Variants in NLRP11 observed in about 807,000 individuals in gnomAD.
The protein encoded by NLRP11 is NACHT, LRR and PYD domains-containing protein 11.
Under a neutral mutation model 79.3 loss-of-function variants are expected in NLRP11, and 53 were observed. The observed-to-expected ratio is 0.67, with a 90% CI of 0.54 to 0.84. The LOEUF (loss-of-function observed/expected upper bound fraction) is 0.84, where lower values mean the gene tolerates loss of function less well. Ranked by LOEUF, NLRP11 falls within the 40% of genes least tolerant of loss-of-function variation. The pLI is 0.00. For synonymous variants in NLRP11, 518 were observed against 462.6 expected, an observed-to-expected ratio of 1.12 and a Z score of -1.54; for missense variants, 1,264 against 1,255.0, an observed-to-expected ratio of 1.01 and a Z score of -0.11.
chr19:55,800,712 A>T (rs1039670575), intron 5 of NLRP11, among the ~76,000 whole-genome samples: 1 of 152,188 alleles, frequency 6.6e-6, no homozygotes, highest in African/African-American at 2.4e-5. Flanking sequence ...AATTTTATGA[A>T]ATCAATACGG....
At chr19:55,814,706 A>C (rs1980915668) in intron 2 of NLRP11, among the ~76,000 whole-genome samples, 1 of 152,244 alleles carries the variant, frequency 6.6e-6, no homozygotes, top group Admixed American at 6.5e-5. Context: ...ATGGTTAGAG[A>C]AGATGGTAGA....
At chr19:55,818,307 G>T in intron 1 of NLRP11, 71 bp from the exon 2 acceptor site, 1 of 695,052 alleles carries the variant, frequency 1.4e-6, no homozygotes, top group Non-Finnish European at 2.4e-6. Flanking sequence ...TAACATCCTA[G>T]ACAATTCCTG....
intron 6 of NLRP11, among the ~76,000 whole-genome samples, chr19:55,792,965 G>A (rs767350108): frequency 1.7e-4 from 26 of 152,160 alleles, no homozygotes; most frequent in Non-Finnish European, 3.2e-4. Context: ...TCCAGGTTTA[G>A]CTCGTTGCCA....
chr19:55,799,135 T>C (rs1979228203), intron 5 of NLRP11, among the ~76,000 whole-genome samples: 1 of 149,162 alleles, frequency 6.7e-6, no homozygotes, highest in Non-Finnish European at 1.5e-5. Context: ...GGTGTGGTGG[T>C]GTACCCCTGT....
chr19:55,808,339 GTTTA>G (rs1326299722), intron 3 of NLRP11, among the ~76,000 whole-genome samples: 1 of 152,126 alleles, frequency 6.6e-6, no homozygotes, highest in Non-Finnish European at 1.5e-5. Context: ...ACAATACAAG[GTTTA>G]TTTCTTTTTA....
chr19:55,786,350 C>T lies in NLRP11; in HGVS notation c.2856-479G>A, dbSNP rs941219331. On this transcript the variant is annotated intron_variant, in intron 9 of 9. Transcript: ENST00000589093. ...ACCAGCCTGGACAACATGCCAAAAC[C>T]CCATCTCTACCAAAGATACAAAAAC... Among the ~76,000 whole-genome samples the T allele has an allele frequency of 5.3e-5, 8 of 152,110 alleles. No individual in the cohort carries two copies. The South Asian group carries it at 1.7e-3, about 32-fold the overall frequency.
At chr19:55,804,304 A>G (rs918577968) in intron 4 of NLRP11, among the ~76,000 whole-genome samples, 5 of 152,220 alleles carry the variant, frequency 3.3e-5, no homozygotes, top group Non-Finnish European at 7.3e-5. Flanking sequence ...CCAAAAAGAT[A>G]CATGCACATG....
intron 6 of NLRP11, 40 bp from the exon 7 acceptor site, chr19:55,792,511 CCA>C: frequency 6.3e-7 from 1 of 1,581,992 alleles, no homozygotes; most frequent in Non-Finnish European, 8.7e-7. Flanking sequence ...AGTGTGAGCA[CCA>C]GAGAGGGGAG....
intron 1 of NLRP11, among the ~76,000 whole-genome samples, chr19:55,831,105 C>T (rs1317538599): frequency 7.4e-6 from 1 of 134,708 alleles, no homozygotes. Context: ...GCCCCACCCC[C>T]CCCATCCCCC....
chr19:55,818,375 G>A (rs1183025865), intron 1 of NLRP11, 139 bp from the exon 2 acceptor site: 5 of 566,644 alleles, frequency 8.8e-6, no homozygotes, highest in Non-Finnish European at 1.6e-5. Flanking sequence ...AACTCTTTCT[G>A]TCTGGGTCAA....
chr19:55,806,178 T>C (rs1465210174), intron 4 of NLRP11, among the ~76,000 whole-genome samples: 6 of 133,936 alleles, frequency 4.5e-5, no homozygotes, highest in African/African-American at 1.5e-4. Context: ...TTTTGCTTCC[T>C]GAGCAACATT....
At chr19:55,795,492 A>AT (rs926348372) in intron 6 of NLRP11, among the ~76,000 whole-genome samples, 5 of 151,662 alleles carry the variant, frequency 3.3e-5, no homozygotes, top group African/African-American at 1.2e-4. Flanking sequence ...ACCATTTTTT[A>AT]TTTTTTATTT....
At chr19:55,795,484 C>T (rs1978743575) in intron 6 of NLRP11, among the ~76,000 whole-genome samples, 1 of 151,626 alleles carries the variant, frequency 6.6e-6, no homozygotes, top group African/African-American at 2.4e-5. Flanking sequence ...TTGTGACCAC[C>T]ATTTTTTATT....
chr19:55,794,815 GA>G (rs2122735738), intron 6 of NLRP11, among the ~76,000 whole-genome samples: 1 of 152,146 alleles, frequency 6.6e-6, no homozygotes, highest in African/African-American at 2.4e-5. Flanking sequence ...ATATGAACAG[GA>G]GTTTCTGGTG....
intron 9 of NLRP11, among the ~76,000 whole-genome samples, chr19:55,788,574 A>C (rs1315774611): frequency 6.6e-6 from 1 of 151,622 alleles, no homozygotes; most frequent in African/African-American, 2.4e-5. Flanking sequence ...CCCCGTCTCT[A>C]CTAAAAATAG....
intron 1 of NLRP11, among the ~76,000 whole-genome samples, chr19:55,819,188 C>CACAG (rs1981446576): frequency 7.2e-6 from 1 of 138,704 alleles, no homozygotes; most frequent in Non-Finnish European, 1.6e-5. Flanking sequence ...CACACACACA[C>CACAG]AGGTTGCCTC....
chr19:55,785,981 T>C, intron 9 of NLRP11, 110 bp from the exon 10 acceptor site: 1 of 1,151,562 alleles, frequency 8.7e-7, no homozygotes, highest in South Asian at 1.5e-5. Flanking sequence ...CTTGGGAGTA[T>C]CTCAAGCCAT....
rs557498079 is a variant in NLRP11 at position 55,805,451 on chromosome 19, C to G, written c.2003+2402G>C. Among the ~76,000 whole-genome samples, 69 of 152,158 alleles carry G rather than the reference C, an allele frequency of 4.5e-4. 2 individuals are homozygous for G. Among genetic ancestry groups the G allele is most frequent in the African/African-American group, 1.5e-3 (64 of 41,482 alleles). The stretch of plus-strand genomic sequence containing the variant: ...TTGCCGTATTTTCAGAGTCCTTTAC[C>G]TAGCAATTCTCCTGATCCCCATTTT... On this transcript the variant is annotated intron_variant, in intron 4 of 9. Coordinates refer to ENST00000589093, the Ensembl canonical transcript of NLRP11.
chr19:55,802,261 G>GA (rs1193890121), intron 4 of NLRP11, among the ~76,000 whole-genome samples: 9 of 152,158 alleles, frequency 5.9e-5, no homozygotes, highest in Non-Finnish European at 1.0e-4. Context: ...TCCATATCCA[G>GA]AAAACCCCAT....
Sources: gnomAD v4.1 joint callset for allele counts (sites outside exome capture counted in the v4.1 genomes callset) on GRCh38, gnomAD v4.1.1 for gene constraint, MANE v1.5 for transcripts, NCBI Gene and HGNC (gene_info 2026-07-23, HGNC 2026-07-21) for gene names.